The following CLDN14 variants were observed in gnomAD, a reference collection of about 807,000 sequenced individuals.
CLDN14 encodes the protein claudin 14.
CLDN14 carries 2 observed loss-of-function variants against 2.1 expected under a neutral mutation model. That is an observed-to-expected ratio of 0.96 (90% CI 0.39 to 3.01). CLDN14 has a LOEUF of 3.01. CLDN14 is among the 30% of genes most tolerant of loss of function. CLDN14 has a pLI of 0.09. For synonymous variants in CLDN14, 136 were observed against 154.4 expected (o/e 0.88, Z 0.88); for missense variants, 298 against 328.0 (o/e 0.91, Z 0.71).
intron 1 of CLDN14, among the ~76,000 whole-genome samples, chr21:36,539,758 T>C (rs1374709850): frequency 6.7e-6 from 1 of 149,356 alleles, no homozygotes; most frequent in East Asian, 2.0e-4. Context: ...TGAGTATGTC[T>C]GCAGAGTGTG....
chr21:36,517,953 C>T (rs756276714), intron 1 of CLDN14, among the ~76,000 whole-genome samples: 13 of 152,218 alleles, frequency 8.5e-5, no homozygotes, highest in South Asian at 6.2e-4. Context: ...GGCCTTTGGG[C>T]GTCAATTGCA....
intron 1 of CLDN14, among the ~76,000 whole-genome samples, chr21:36,540,992 G>A (rs2087484316): frequency 6.6e-6 from 1 of 152,172 alleles, no homozygotes; most frequent in African/African-American, 2.4e-5. Flanking sequence ...GGAGTGGACT[G>A]ATTCCACATA....
intron 1 of CLDN14, among the ~76,000 whole-genome samples, chr21:36,527,911 A>G (rs749805608): frequency 3.9e-5 from 6 of 152,142 alleles, no homozygotes; most frequent in Non-Finnish European, 7.3e-5. Context: ...TCAAGTCCCT[A>G]GATGTCTCTT....
At chr21:36,522,519 T>C (rs1215446472) in intron 1 of CLDN14, among the ~76,000 whole-genome samples, 1 of 152,196 alleles carries the variant, frequency 6.6e-6, no homozygotes, top group Non-Finnish European at 1.5e-5. Context: ...TTGGGGCCTG[T>C]TCAGCCGCCC....
intron 1 of CLDN14, among the ~76,000 whole-genome samples, chr21:36,542,041 T>C (rs2087493269): frequency 6.6e-6 from 1 of 152,158 alleles, no homozygotes; most frequent in Non-Finnish European, 1.5e-5. Context: ...CACTGCATCC[T>C]TTGCTTCCCA....
At chr21:36,474,050 G>A (rs2086744184) in intron 1 of CLDN14, among the ~76,000 whole-genome samples, 1 of 152,178 alleles carries the variant, frequency 6.6e-6, no homozygotes, top group African/African-American at 2.4e-5. Context: ...GGGACAGAGG[G>A]ACAGGAGGGA....
intron 1 of CLDN14, among the ~76,000 whole-genome samples, chr21:36,471,298 A>G (rs371188254): frequency 1.3e-5 from 2 of 152,368 alleles, no homozygotes; most frequent in African/African-American, 4.8e-5. Context: ...AAGGTAGAGG[A>G]CATGGAGAAA....
chr21:36,474,145 C>T (rs2086745529), intron 1 of CLDN14, among the ~76,000 whole-genome samples: 1 of 152,114 alleles, frequency 6.6e-6, no homozygotes, highest in African/African-American at 2.4e-5. Flanking sequence ...GGTTCCAGGG[C>T]CCATAGACCT....
At chr21:36,539,360 TGTATGTGCGGAGTGA>T (rs1402149837) in intron 1 of CLDN14, among the ~76,000 whole-genome samples, 7 of 148,196 alleles carry the variant, frequency 4.7e-5, no homozygotes, top group East Asian at 2.0e-4. Flanking sequence ...GTGGAGTGAG[TGTATGTGCGGAGTGA>T]GTGTGTGTGG....
chr21:36,514,659 GTGT>G (rs1332085234), intron 1 of CLDN14, among the ~76,000 whole-genome samples: 16 of 138,262 alleles, frequency 1.2e-4, no homozygotes, highest in African/African-American at 4.9e-4. Context: ...GTGTGTGTGT[GTGT>G]AGAGAGACAG....
intron 1 of CLDN14, among the ~76,000 whole-genome samples, chr21:36,529,399 C>T (rs2087361654): frequency 6.6e-6 from 1 of 152,138 alleles, no homozygotes; most frequent in Non-Finnish European, 1.5e-5. Context: ...AGCGATTCTC[C>T]TGCCTCAGCC....
intron 1 of CLDN14, among the ~76,000 whole-genome samples, chr21:36,520,482 G>C (rs530562504): frequency 2.0e-5 from 3 of 152,164 alleles, no homozygotes; most frequent in Non-Finnish European, 4.4e-5. Flanking sequence ...CAAAAGATCT[G>C]ATGGTTTTAT....
At chr21:36,567,672 AC>A (rs2087683127) in intron 1 of CLDN14, among the ~76,000 whole-genome samples, 1 of 152,136 alleles carries the variant, frequency 6.6e-6, no homozygotes, top group South Asian at 2.1e-4. Flanking sequence ...TCGTCTCTAG[AC>A]CCATATACAT....
intron 1 of CLDN14, among the ~76,000 whole-genome samples, chr21:36,470,794 T>A (rs764672843): frequency 1.3e-5 from 2 of 151,832 alleles, no homozygotes; most frequent in Non-Finnish European, 2.9e-5. Context: ...GTCAACATGG[T>A]GAAACCCTAT....
At position 36,461,198 on chromosome 21, in the gene CLDN14, C is replaced by A; in HGVS notation, c.498G>T (p.Leu166=). ...MKFEIGQALY[L]GFISSSLSLI... is the part of the protein sequence containing the mutation. ...GCGAGAGGGACGAGGAGATGAAGCC[C>A]AGGTACAGGGCCTGGCCAATCTCAA... Residue 166 remains leucine, a synonymous_variant, in exon 2 of 2, where the codon CTG becomes CTT. Coordinates refer to ENST00000399135, the MANE Select transcript of CLDN14 (RefSeq NM_001146079.2). 1.2e-6 allele frequency: 2 copies of A among 1,613,992 alleles called. No individual in the cohort carries two copies. The highest frequency in any genetic ancestry group is 2.7e-5 in the African/African-American group (2 of 75,054).
chr21:36,518,513 C>A lies in CLDN14; in HGVS notation c.-219-8013G>T, dbSNP rs190740937. 3.9e-3 allele frequency among the ~76,000 whole-genome samples: 585 copies of A among 151,750 alleles called. 8 individuals are homozygous for A. The highest frequency in any genetic ancestry group is 0.014 in the African/African-American group (571 of 41,376). On this transcript the variant is annotated intron_variant, in intron 1 of 2. Transcript: ENST00000342108. ...TACTCAGAAGGCTGAGGTGGGGAGTCCCTTGAATCTGGGAGGCGGCGGTTG... is the reference window on the plus strand; with the variant it reads ...TACTCAGAAGGCTGAGGTGGGGAGTACCTTGAATCTGGGAGGCGGCGGTTG...
At chr21:36,555,339 A>T (rs2146520124) in intron 1 of CLDN14, among the ~76,000 whole-genome samples, 2 of 152,298 alleles carry the variant, frequency 1.3e-5, no homozygotes, top group South Asian at 4.1e-4. Context: ...GGTGACCCGT[A>T]CTCAGCACGG....
chr21:36,535,313 C>T (rs1238063405), intron 1 of CLDN14, among the ~76,000 whole-genome samples: 1 of 152,164 alleles, frequency 6.6e-6, no homozygotes, highest in Non-Finnish European at 1.5e-5. Context: ...TCACTTGAAC[C>T]TGGGAGGTGG....
rs749837574 is a variant in CLDN14, at chr21:36,569,415, C to CAAA, written c.-220+6993_-220+6995dup. ...TGGGCAACAGAGTGAGACTCCGTCT[C>CAAA]AAAAAAAAAAAAAATTAAGTAAATA... is the stretch of plus-strand genomic sequence containing the variant. On this transcript the variant is annotated intron_variant, in intron 1 of 2. Coordinates refer to the CLDN14 transcript ENST00000342108. 3.5e-3 allele frequency among the ~76,000 whole-genome samples: 414 copies of CAAA among 119,522 alleles called. 7 individuals are homozygous for CAAA. The East Asian group carries it at 0.072, about 21-fold the overall frequency. 78.4% of individuals were successfully genotyped at this position (119,522 alleles called of 152,430 possible).
Sources: allele counts gnomAD v4.1 joint callset (sites outside exome capture counted in the v4.1 genomes callset), GRCh38; gene constraint gnomAD v4.1.1; transcripts MANE v1.5; gene names NCBI Gene and HGNC (gene_info 2026-07-23, HGNC 2026-07-21).